Variants in PYY observed in about 807,000 individuals in gnomAD.
The protein encoded by PYY is peptide YY.
Under a neutral mutation model 10.3 loss-of-function variants are expected in PYY, and 12 were observed. The observed-to-expected ratio is 1.17, with a 90% CI of 0.75 to 1.89. The LOEUF (loss-of-function observed/expected upper bound fraction) is 1.89, where lower values mean the gene tolerates loss of function less well. Ranked by LOEUF, PYY falls within the 40% of genes most tolerant of loss-of-function variation. The probability of loss-of-function intolerance (pLI) is 0.00; values close to 1 mark genes in which losing one functional copy is unlikely to be tolerated. For synonymous variants in PYY, 66 were observed against 62.0 expected, an observed-to-expected ratio of 1.06 and a Z score of -0.30; for missense variants, 141 against 134.0, an observed-to-expected ratio of 1.05 and a Z score of -0.26.
upstream of PYY, chr17:43,957,910 G>T (rs1024806271): frequency 1.3e-5 from 2 of 154,444 alleles, no homozygotes; most frequent in African/African-American, 4.8e-5. Context: ...TTTATGGTAG[G>T]AGCTCTCCTA....
chr17:43,956,380 G>A (rs546734259), upstream of PYY, among the ~76,000 whole-genome samples: 30 of 151,946 alleles, frequency 2.0e-4, no homozygotes, highest in South Asian at 5.4e-3. Flanking sequence ...GTTGATTAGC[G>A]GGGAAAATGT....
chr17:43,979,866 A>C (rs959403277), intron 1 of PYY, among the ~76,000 whole-genome samples: 1 of 152,160 alleles, frequency 6.6e-6, no homozygotes, highest in African/African-American at 2.4e-5. Context: ...AATTTACCCA[A>C]ACGCTAGCTC....
At chr17:43,986,514 T>C (rs2143946333) in intron 1 of PYY, among the ~76,000 whole-genome samples, 1 of 152,306 alleles carries the variant, frequency 6.6e-6, no homozygotes, top group South Asian at 2.1e-4. Context: ...AGTTTGAATA[T>C]TGTGGCACCA....
At position 43,987,413 on chromosome 17, in the gene PYY, T is replaced by A. The variant is rs2048922669; in HGVS notation, c.-463+16978A>T. ...CAGCCCATCGCCTCTACCCTGGGAC[T>A]TCAGCTACAAAAGGCATCTGGGCAG... On this transcript the variant is annotated intron_variant, in intron 1 of 6. Coordinates refer to the PYY transcript ENST00000360085. This position sits in a 1 kb window ranked among gnomAD's most constrained non-coding sequence, Gnocchi z 4.0. 6.6e-6 allele frequency among the ~76,000 whole-genome samples: 1 copy of A among 152,180 alleles called. No homozygotes were observed. The highest frequency in any genetic ancestry group is 1.5e-5 in the Non-Finnish European group (1 of 68,026).
intron 1 of PYY, among the ~76,000 whole-genome samples, chr17:43,975,862 A>G (rs1369509466): frequency 6.5e-5 from 1 of 15,428 alleles, no homozygotes; most frequent in African/African-American, 1.5e-4. Context: ...ACGTACGTGT[A>G]CATACACGTG....
At chr17:43,986,595 C>T (rs2048917453) in intron 1 of PYY, among the ~76,000 whole-genome samples, 1 of 152,166 alleles carries the variant, frequency 6.6e-6, no homozygotes, top group Non-Finnish European at 1.5e-5. Context: ...CTTCCCAAGC[C>T]CTGGTTTCCT....
At chr17:43,970,481 T>C (rs1348961188) in intron 1 of PYY, among the ~76,000 whole-genome samples, 1 of 149,400 alleles carries the variant, frequency 6.7e-6, no homozygotes, top group Non-Finnish European at 1.5e-5. Flanking sequence ...CACTCCAGCC[T>C]AAACGACAGA....
At chr17:43,968,844 A>C (rs2048770780) in intron 1 of PYY, among the ~76,000 whole-genome samples, 1 of 151,846 alleles carries the variant, frequency 6.6e-6, no homozygotes, top group Admixed American at 6.6e-5. Flanking sequence ...TCAGTGGCTC[A>C]AGCCTGTAAT....
At chr17:43,964,990 C>T (rs2048744460) in intron 2 of PYY, among the ~76,000 whole-genome samples, 1 of 152,156 alleles carries the variant, frequency 6.6e-6, no homozygotes, top group Non-Finnish European at 1.5e-5. Context: ...ACACAGATGT[C>T]ATATAGAAGA....
intron 1 of PYY, among the ~76,000 whole-genome samples, chr17:43,983,966 G>A (rs1047987479): frequency 2.6e-5 from 4 of 152,208 alleles, no homozygotes; most frequent in African/African-American, 9.6e-5. Context: ...GGGGCGCAGC[G>A]GTCGCGCGCT....
At chr17:43,988,653 G>A (rs1033689930) in intron 1 of PYY, among the ~76,000 whole-genome samples, 3 of 151,946 alleles carry the variant, frequency 2.0e-5, no homozygotes, top group Non-Finnish European at 1.5e-5. Flanking sequence ...TAATCTCCAT[G>A]GCCAGCACAC....
rs1057459320 is a variant in PYY, at chr17:43,970,226, A to G, written c.-462-3694T>C. Among the ~76,000 whole-genome samples, 971 of 113,466 alleles carry G rather than the reference A, an allele frequency of 8.6e-3. 45 individuals carry two copies. Among genetic ancestry groups the G allele is most frequent in the Admixed American group, 0.082 (914 of 11,138 alleles). The allele number at this position is 113,466 out of a possible 152,430, so 74.4% of individuals were successfully genotyped here. ...TAAAAAAAAAAAAAAAAAAAAAAAA[A>G]GCTGGGGAAGGTGGCTCATGCCTGT... On this transcript the variant is annotated intron_variant, in intron 1 of 6. Coordinates refer to the PYY transcript ENST00000360085.
intron 1 of PYY, among the ~76,000 whole-genome samples, chr17:44,001,098 G>T (rs909841280): frequency 2.1e-4 from 32 of 152,142 alleles, no homozygotes; most frequent in African/African-American, 7.7e-4. Context: ...GTTTGTGTGT[G>T]TGTCTCCCCT....
chr17:43,997,005 C>T (rs534804834), intron 1 of PYY, among the ~76,000 whole-genome samples: 30 of 150,808 alleles, frequency 2.0e-4, no homozygotes, highest in African/African-American at 6.8e-4. Context: ...TTTACAGTTT[C>T]TTTTTTTGGG....
intron 1 of PYY, among the ~76,000 whole-genome samples, chr17:43,994,350 C>G (rs1171891755): frequency 6.6e-6 from 1 of 152,074 alleles, no homozygotes; most frequent in Non-Finnish European, 1.5e-5. Flanking sequence ...ACACCCCACC[C>G]CTGGCCTCAA....
intron 1 of PYY, among the ~76,000 whole-genome samples, chr17:43,996,487 C>A (rs1042857406): frequency 2.0e-5 from 3 of 152,086 alleles, no homozygotes; most frequent in Non-Finnish European, 4.4e-5. Context: ...TTTTTTGAGA[C>A]AGTGTCTCAC....
At chr17:43,980,637 CT>C (rs2048878459) in intron 1 of PYY, among the ~76,000 whole-genome samples, 1 of 151,826 alleles carries the variant, frequency 6.6e-6, no homozygotes, top group Non-Finnish European at 1.5e-5. Flanking sequence ...CCACACTCAG[CT>C]AATTTTTGTA....
intron 1 of PYY, among the ~76,000 whole-genome samples, chr17:43,972,574 G>A (rs557256768): frequency 1.3e-5 from 2 of 151,860 alleles, no homozygotes; most frequent in South Asian, 4.2e-4. Context: ...AATCACCGAG[G>A]CTGGAATGCA....
chr17:43,957,984 G>A (rs913677113), upstream of PYY: 2 of 154,380 alleles, frequency 1.3e-5, no homozygotes, highest in African/African-American at 2.4e-5. Context: ...GGTGTGCTGC[G>A]CGCCCAAGGC....
Sources: gnomAD v4.1 joint callset for allele counts (sites outside exome capture counted in the v4.1 genomes callset) on GRCh38, gnomAD v4.1.1 for gene constraint, Gnocchi (gnomAD v3.1) non-coding constraint, MANE v1.5 for transcripts, NCBI Gene and HGNC (gene_info 2026-07-23, HGNC 2026-07-21) for gene names.